The following LRRC28 variants were observed in gnomAD, a reference collection of about 807,000 sequenced individuals.
LRRC28 encodes the protein leucine-rich repeat-containing protein 28.
In LRRC28, 39 loss-of-function variants were observed where a neutral mutation model predicts 45.7. That is an observed-to-expected ratio of 0.85 (90% confidence interval 0.66 to 1.12). LRRC28 has a LOEUF of 1.12. Ranked by LOEUF, LRRC28 falls within the 50% of genes most tolerant of loss-of-function variation. The pLI is 0.00. For missense variants in LRRC28, 435 were observed against 438.5 expected, an observed-to-expected ratio of 0.99 and a Z score of 0.07; for synonymous variants, 206 against 178.8, an observed-to-expected ratio of 1.15 and a Z score of -1.22.
rs2081492690 is a variant in LRRC28, at chr15:99,271,934, GATGT to G, written c.169-4640_169-4637del. Among the ~76,000 whole-genome samples, 3 of 152,154 alleles carry G rather than the reference GATGT, an allele frequency of 2.0e-5. 1 individual carries two copies. The South Asian group carries it at 6.2e-4, about 32-fold the overall frequency. On this transcript the variant is annotated intron_variant, in intron 2 of 9. Coordinates refer to ENST00000301981, the MANE Select transcript of LRRC28 (RefSeq NM_144598.5). Reference sequence around the variant, plus strand: ...TTTTTCTGTTGCTGCTCATGCTTTTGATGTAATAGCTATGAATTCATTGCCAAAT... The same window carrying G: ...TTTTTCTGTTGCTGCTCATGCTTTTGAATAGCTATGAATTCATTGCCAAAT...
Position 99,386,330 on chromosome 15 carries a change from G to A in LRRC28, c.*228G>A, listed in dbSNP as rs1288561932. On this transcript the variant is annotated 3_prime_UTR_variant, in exon 10 of 10. Coordinates refer to ENST00000301981, the MANE Select transcript of LRRC28 (RefSeq NM_144598.5). ...TCTTCTGTGTTTTTCCTTTTTATGT[G>A]AGTGTGTCTTTTACAGAAACCATTT... 2.1e-6 allele frequency: 1 copy of A among 476,936 alleles called. No individual in the cohort carries two copies. Among genetic ancestry groups the A allele is most frequent in the Non-Finnish European group, 3.7e-6 (1 of 268,150 alleles). The allele number at this position is 476,936 out of a possible 1,614,324, so 29.5% of individuals were successfully genotyped here. A position where few individuals can be genotyped will look rare whatever the true frequency, so the allele number is the denominator to read the frequency against.
chr15:99,304,597 A>G (rs956711316), intron 5 of LRRC28, among the ~76,000 whole-genome samples: 9 of 151,502 alleles, frequency 5.9e-5, no homozygotes, highest in East Asian at 1.9e-4. Context: ...CGCCCGGCTC[A>G]TTTATTTATT....
At chr15:99,322,358 G>T (rs1464422716) in intron 5 of LRRC28, among the ~76,000 whole-genome samples, 1 of 152,114 alleles carries the variant, frequency 6.6e-6, no homozygotes, top group Non-Finnish European at 1.5e-5. Flanking sequence ...CAATGGGGAG[G>T]CTTGTTGGTT....
At chr15:99,343,330 T>C (rs1057145273) in intron 6 of LRRC28, among the ~76,000 whole-genome samples, 2 of 152,250 alleles carry the variant, frequency 1.3e-5, no homozygotes, top group Non-Finnish European at 2.9e-5. Context: ...TGTGCTGTCA[T>C]TCCATGCTTG....
At chr15:99,259,853 G>C in intron 2 of LRRC28, 2 of 815,084 alleles carry the variant, frequency 2.5e-6, no homozygotes, top group Non-Finnish European at 4.4e-6. Context: ...AGAATGCCTT[G>C]CCTCAGTTTG....
chr15:99,264,121 A>G (rs2081272969), intron 2 of LRRC28, among the ~76,000 whole-genome samples: 2 of 152,266 alleles, frequency 1.3e-5, no homozygotes, highest in Non-Finnish European at 1.5e-5. Context: ...AACACACAGA[A>G]CAAAGGAGAA....
At chr15:99,268,698 C>G (rs2081395574) in intron 2 of LRRC28, among the ~76,000 whole-genome samples, 1 of 152,096 alleles carries the variant, frequency 6.6e-6, no homozygotes, top group African/African-American at 2.4e-5. Flanking sequence ...ATGTCATAAA[C>G]TTACAGAATT....
chr15:99,315,935 G>A (rs987950406), intron 5 of LRRC28, among the ~76,000 whole-genome samples: 16 of 152,124 alleles, frequency 1.1e-4, no homozygotes, highest in African/African-American at 3.9e-4. Flanking sequence ...TCACCTACTA[G>A]AAGCCTGTTT....
intron 6 of LRRC28, among the ~76,000 whole-genome samples, chr15:99,342,893 G>T (rs550034501): frequency 1.3e-5 from 2 of 152,172 alleles, no homozygotes; most frequent in Non-Finnish European, 2.9e-5. Context: ...CTTTGTAAGA[G>T]AGTTAATGGA....
intron 2 of LRRC28, among the ~76,000 whole-genome samples, chr15:99,274,442 C>G (rs1311587903): frequency 6.6e-6 from 1 of 152,160 alleles, no homozygotes; most frequent in Non-Finnish European, 1.5e-5. Flanking sequence ...TCTGTAAAAT[C>G]TCACATCTTC....
intron 5 of LRRC28, among the ~76,000 whole-genome samples, chr15:99,329,435 C>A (rs765957499): frequency 6.6e-6 from 1 of 152,208 alleles, no homozygotes; most frequent in Non-Finnish European, 1.5e-5. Context: ...TGCCCCTTCA[C>A]TCATAGTGCC....
At chr15:99,354,021 T>G (rs1031648567) in intron 7 of LRRC28, 8 of 152,238 alleles carry the variant, frequency 5.3e-5, no homozygotes, top group African/African-American at 1.9e-4. Context: ...ACTTTTTTAT[T>G]ATTAAACTTT....
At chr15:99,270,396 C>T (rs959266254) in intron 2 of LRRC28, among the ~76,000 whole-genome samples, 1 of 152,118 alleles carries the variant, frequency 6.6e-6, no homozygotes, top group African/African-American at 2.4e-5. Context: ...AGTAAAACCC[C>T]TCACCCATTA....
At chr15:99,290,753 C>T (rs190948974) in intron 5 of LRRC28, among the ~76,000 whole-genome samples, 4 of 151,954 alleles carry the variant, frequency 2.6e-5, no homozygotes, top group South Asian at 4.2e-4. Flanking sequence ...GCCAGGAGTT[C>T]GAGACCAGCC....
At chr15:99,257,984 A>C (rs577439486) in intron 2 of LRRC28, 1 of 849,696 alleles carries the variant, frequency 1.2e-6, no homozygotes, top group East Asian at 2.4e-5. Context: ...ATCACTGACT[A>C]ATGAAAATGC....
At chr15:99,289,966 GC>G (rs2082072866) in intron 5 of LRRC28, among the ~76,000 whole-genome samples, 2 of 133,596 alleles carry the variant, frequency 1.5e-5, no homozygotes, top group African/African-American at 5.5e-5. Context: ...AAAAAAAATG[GC>G]ACCAGTCAGG....
intron 9 of LRRC28, among the ~76,000 whole-genome samples, chr15:99,377,180 T>C (rs935294505): frequency 4.6e-5 from 7 of 151,646 alleles, no homozygotes; most frequent in Non-Finnish European, 1.0e-4. Flanking sequence ...AAAGTATTCC[T>C]ATTTCTCCAC....
intron 5 of LRRC28, among the ~76,000 whole-genome samples, chr15:99,321,138 G>A (rs894678526): frequency 6.6e-5 from 10 of 152,102 alleles, no homozygotes; most frequent in Admixed American, 4.6e-4. Flanking sequence ...CATTTTGGGG[G>A]TAGATTTGAT....
intron 3 of LRRC28, among the ~76,000 whole-genome samples, chr15:99,277,957 A>C (rs1376423129): frequency 1.3e-5 from 2 of 152,044 alleles, no homozygotes; most frequent in African/African-American, 2.4e-5. Context: ...TTGTCATGTT[A>C]TATCTTCTAA....
Sources: gnomAD v4.1 joint callset for allele counts (sites outside exome capture counted in the v4.1 genomes callset) on GRCh38, gnomAD v4.1.1 for gene constraint, MANE v1.5 for transcripts, NCBI Gene and HGNC (gene_info 2026-07-23, HGNC 2026-07-21) for gene names.